TTL: variants seen among roughly 807,000 people sequenced by gnomAD.
TTL encodes tubulin--tyrosine ligase.
TTL carries 10 observed loss-of-function variants against 41.1 expected under a neutral mutation model. The ratio of observed to expected loss-of-function variants is 0.24; its 90% CI spans 0.15 to 0.41. TTL has a LOEUF of 0.41. Among genes scored for constraint, TTL ranks in the 10% least tolerant of loss-of-function variants. The pLI is 1.00. For synonymous variants in TTL, 175 were observed against 175.5 expected, an observed-to-expected ratio of 1.00 and a Z score of 0.02; for missense variants, 367 against 460.4, an observed-to-expected ratio of 0.80 and a Z score of 1.86.
In TTL at chr2:112,513,611, AAGTATAAATATTTATACAAGTATG is replaced by A. The variant is rs1198120362; in HGVS notation, c.876-6669_876-6646del. ...CAAGTATAAATATTTATACAAGTAT[AAGTATAAATATTTATACAAGTATG>A]AATATTTATACAAGTATAAATATAA... On this transcript the variant is annotated intron_variant, in intron 5 of 6. Transcript: ENST00000233336. Among the ~76,000 whole-genome samples the A allele has an allele frequency of 3.4e-4, 51 of 148,672 alleles. 1 individual carries two copies. Among genetic ancestry groups the A allele is most frequent in the Non-Finnish European group, 5.4e-4 (36 of 67,056 alleles).
At chr2:112,519,981 T>C (rs1272809465) in intron 5 of TTL, among the ~76,000 whole-genome samples, 2 of 151,808 alleles carry the variant, frequency 1.3e-5, no homozygotes, top group Non-Finnish European at 2.9e-5. Flanking sequence ...AAATACAAAA[T>C]TAGCTGGGTG....
At chr2:112,503,488 C>A (rs959804585) in intron 5 of TTL, among the ~76,000 whole-genome samples, 8 of 148,778 alleles carry the variant, frequency 5.4e-5, no homozygotes, top group African/African-American at 2.0e-4. Context: ...GGCTGGAGTG[C>A]AATGGTGCGA....
chr2:112,491,723 G>C (rs930745060), intron 2 of TTL, among the ~76,000 whole-genome samples: 14 of 152,090 alleles, frequency 9.2e-5, no homozygotes, highest in African/African-American at 3.4e-4. Flanking sequence ...ATTTTTTTGA[G>C]CATTGAGAGG....
intron 3 of TTL, among the ~76,000 whole-genome samples, chr2:112,500,933 A>C (rs1413631828): frequency 2.0e-5 from 3 of 148,488 alleles, no homozygotes; most frequent in Non-Finnish European, 4.5e-5. Context: ...GTGCTTAGGC[A>C]CTACGAATTT....
At chr2:112,492,956 T>G (rs187097301) in intron 2 of TTL, among the ~76,000 whole-genome samples, 2 of 152,314 alleles carry the variant, frequency 1.3e-5, no homozygotes, top group East Asian at 3.9e-4. Context: ...TCACACTGAC[T>G]ACATTTCAAA....
At position 112,540,977 on chromosome 2, in the gene TTL, C is replaced by T. The variant is rs1018291085; in HGVS notation, c.*12182C>T. The T allele has an allele frequency of 6.6e-6, 1 of 152,080 alleles. No homozygotes were observed. Among genetic ancestry groups the T allele is most frequent in the Non-Finnish European group, 1.5e-5 (1 of 68,022 alleles). 9.4% of individuals were successfully genotyped at this position (152,080 alleles called of 1,614,324 possible). Reference sequence around the variant, plus strand: ...TGCAGTCAGCAATAATTTGTTGTACCTTCAAAAATAACTGAGGAAGTACAA... The same window carrying T: ...TGCAGTCAGCAATAATTTGTTGTACTTTCAAAAATAACTGAGGAAGTACAA... On this transcript the variant is annotated 3_prime_UTR_variant, in exon 7 of 7. Coordinates refer to ENST00000233336, the MANE Select transcript of TTL (RefSeq NM_153712.5).
Position 112,529,080 on chromosome 2 carries a change from C to T in TTL, c.*285C>T, listed in dbSNP as rs73955229. On this transcript the variant is annotated 3_prime_UTR_variant, in exon 7 of 7. Transcript: ENST00000233336. ...GAGCTCCTTCCCCTCTCCCCGGGAA[C>T]GGCAGGGCACTGGGACCTCTGGTCG... 0.01 allele frequency: 4,886 copies of T among 476,414 alleles called. 205 individuals carry two copies. The highest frequency in any genetic ancestry group is 0.085 in the African/African-American group (4,439 of 51,970). 29.5% of individuals were successfully genotyped at this position (476,414 alleles called of 1,614,324 possible). A position where few individuals can be genotyped will look rare whatever the true frequency, so the allele number is the denominator to read the frequency against.
At chr2:112,512,365 C>T (rs573884182) in intron 5 of TTL, among the ~76,000 whole-genome samples, 2 of 152,038 alleles carry the variant, frequency 1.3e-5, no homozygotes, top group African/African-American at 4.8e-5. Context: ...CAGGTTCACG[C>T]CATTCTCCTG....
chr2:112,500,366 A>C (rs1681656468), intron 3 of TTL, among the ~76,000 whole-genome samples: 1 of 152,044 alleles, frequency 6.6e-6, no homozygotes, highest in Non-Finnish European at 1.5e-5. Context: ...AGGTCAGAAG[A>C]CCAAGACCAT....
chr2:112,528,319 G>A (rs1035793887), intron 6 of TTL, among the ~76,000 whole-genome samples: 1 of 152,194 alleles, frequency 6.6e-6, no homozygotes, highest in African/African-American at 2.4e-5. Context: ...AAGAAAAACT[G>A]CCAGGCACGG....
intron 6 of TTL, among the ~76,000 whole-genome samples, chr2:112,525,047 A>G (rs1474619106): frequency 6.6e-6 from 1 of 152,158 alleles, no homozygotes; most frequent in African/African-American, 2.4e-5. Context: ...TTAAATAGGG[A>G]ATCCTTTCCT....
chr2:112,519,471 A>T (rs938558161), intron 5 of TTL, among the ~76,000 whole-genome samples: 1 of 151,994 alleles, frequency 6.6e-6, no homozygotes, highest in Non-Finnish European at 1.5e-5. Flanking sequence ...TTTAGTTTCA[A>T]CATGTATAGC....
Position 112,485,939 on chromosome 2 carries a change from G to A in TTL, c.180G>A (p.Gln60=), listed in dbSNP as rs1282644850. The A allele has an allele frequency of 3.7e-6, 6 of 1,614,180 alleles. No homozygotes were observed. Among genetic ancestry groups the A allele is most frequent in the Non-Finnish European group, 4.2e-6 (5 of 1,180,032 alleles). The part of the protein sequence containing the change: ...GRLGHEPGLV[Q]LVNYYRGADK... ...TAGGTCACGAGCCCGGGCTGGTACA[G>A]TTGGTGAATTACTACAGGGGTGCTG... Residue 60 remains glutamine (Q), a synonymous_variant, in exon 2 of 7, where the codon CAG becomes CAA. Transcript: ENST00000233336.
intron 1 of TTL, among the ~76,000 whole-genome samples, chr2:112,484,947 T>TTTCTA (rs1470038336): frequency 1.3e-5 from 2 of 152,164 alleles, no homozygotes; most frequent in African/African-American, 4.8e-5. Flanking sequence ...AACAAAACAT[T>TTTCTA]TTTTATTTTA....
At chr2:112,512,679 G>C (rs951420162) in intron 5 of TTL, among the ~76,000 whole-genome samples, 5 of 152,208 alleles carry the variant, frequency 3.3e-5, no homozygotes, top group African/African-American at 1.2e-4. Flanking sequence ...TTACAGGCGT[G>C]AGCCATCTCG....
intron 2 of TTL, among the ~76,000 whole-genome samples, chr2:112,493,144 G>A (rs1037389739): frequency 3.3e-5 from 5 of 152,070 alleles, no homozygotes; most frequent in Non-Finnish European, 5.9e-5. Context: ...CTACAATGTC[G>A]TTATTTCCAC....
In TTL at chr2:112,530,816, T is replaced by C. The variant is rs1291997880; in HGVS notation, c.*2021T>C. On this transcript the variant is annotated 3_prime_UTR_variant, in exon 7 of 7. Coordinates refer to ENST00000233336, the MANE Select transcript of TTL (RefSeq NM_153712.5). ...CTCAATGGCATATATAAGAGGGAAG[T>C]AAGACTTTTAAGAAAAGAAAAAGTT... 2 of 190,618 alleles carry C rather than the reference T, an allele frequency of 1.0e-5. No homozygotes were observed. The highest frequency in any genetic ancestry group is 2.2e-5 in the Non-Finnish European group (2 of 90,924). The allele number at this position is 190,618 out of a possible 1,614,324, so 11.8% of individuals were successfully genotyped here. A position where few individuals can be genotyped will look rare whatever the true frequency, so the allele number is the denominator to read the frequency against.
At position 112,520,267 on chromosome 2, in the gene TTL, C is replaced by T. The variant is rs759389305; in HGVS notation, c.876-15C>T. Reference sequence around the variant, plus strand: ...CCACCCCGTTCTAATGAGCATTTCCCCTCCTGCCTCATAGGAACTGCCTCC... The same window carrying T: ...CCACCCCGTTCTAATGAGCATTTCCTCTCCTGCCTCATAGGAACTGCCTCC... On this transcript the variant is annotated splice_polypyrimidine_tract_variant and intron_variant, in intron 5 of 6. Coordinates refer to ENST00000233336, the MANE Select transcript of TTL (RefSeq NM_153712.5). The T allele has an allele frequency of 1.9e-6, 3 of 1,613,758 alleles. No individual in the cohort carries two copies. The South Asian group carries it at 3.3e-5, about 18-fold the overall frequency.
chr2:112,514,325 T>C (rs1027201579), intron 5 of TTL, among the ~76,000 whole-genome samples: 1 of 151,148 alleles, frequency 6.6e-6, no homozygotes, highest in Non-Finnish European at 1.5e-5. Context: ...GAAGTTGCAG[T>C]GAGCCAAAAT....
Sources: allele counts gnomAD v4.1 joint callset (sites outside exome capture counted in the v4.1 genomes callset), GRCh38; gene constraint gnomAD v4.1.1; transcripts MANE v1.5; gene names NCBI Gene and HGNC (gene_info 2026-07-23, HGNC 2026-07-21).